The following FSTL4 variants were observed in gnomAD, a reference collection of about 807,000 sequenced individuals.
FSTL4 encodes the protein follistatin like 4.
FSTL4 carries 28 observed loss-of-function variants against 78.2 expected under a neutral mutation model. The ratio of observed to expected loss-of-function variants is 0.36; its 90% CI spans 0.27 to 0.49. FSTL4 has a LOEUF of 0.49. Ranked by LOEUF, FSTL4 falls within the 20% of genes least tolerant of loss-of-function variation. The probability of loss-of-function intolerance (pLI) is 0.98; values close to 1 mark genes in which losing one functional copy is unlikely to be tolerated. For missense variants in FSTL4, 922 were observed against 1,084.9 expected (o/e 0.85, Z 2.11); for synonymous variants, 422 against 440.5 (o/e 0.96, Z 0.53).
the FSTL4 span, among the ~76,000 whole-genome samples, chr5:133,637,829 C>A: frequency 6.6e-5 from 10 of 152,060 alleles, no homozygotes; most frequent in East Asian, 1.7e-3. Context: ...ATCCCATCAC[C>A]TGAGCACTTC....
chr5:133,788,150 A>C, the FSTL4 span, among the ~76,000 whole-genome samples: 1 of 152,156 alleles, frequency 6.6e-6, no homozygotes, highest in Non-Finnish European at 1.5e-5. Flanking sequence ...GGTGTGGAGC[A>C]GAGGTAAGAA....
chr5:133,510,870 C>A (rs536146320), intron 3 of FSTL4, among the ~76,000 whole-genome samples: 1 of 152,276 alleles, frequency 6.6e-6, no homozygotes, highest in East Asian at 1.9e-4. Flanking sequence ...GTTCTCTCCT[C>A]TGACGTCAAA....
intron 4 of FSTL4, among the ~76,000 whole-genome samples, chr5:133,373,240 T>C (rs761801852): frequency 1.3e-5 from 2 of 152,192 alleles, no homozygotes; most frequent in Admixed American, 6.5e-5. Flanking sequence ...CCTGCGGCTA[T>C]TACGAAGAGC....
intron 6 of FSTL4, among the ~76,000 whole-genome samples, chr5:133,270,851 G>T (rs1215105383): frequency 6.6e-6 from 1 of 152,162 alleles, no homozygotes; most frequent in Non-Finnish European, 1.5e-5. Context: ...TGGGTCTAGG[G>T]TTGCATAGTC....
intron 11 of FSTL4, among the ~76,000 whole-genome samples, chr5:133,222,363 G>A (rs1453899587): frequency 6.6e-6 from 1 of 152,106 alleles, no homozygotes; most frequent in Non-Finnish European, 1.5e-5. Context: ...GCATCTCAGT[G>A]TTTGGAGCCA....
At chr5:133,539,406 G>A (rs957575637) in intron 3 of FSTL4, among the ~76,000 whole-genome samples, 1 of 152,222 alleles carries the variant, frequency 6.6e-6, no homozygotes, top group South Asian at 2.1e-4. Context: ...GACTTCTCAT[G>A]TGAGGTTCCT....
the FSTL4 span, among the ~76,000 whole-genome samples, chr5:133,656,577 C>T: frequency 6.6e-6 from 1 of 152,044 alleles, no homozygotes; most frequent in Non-Finnish European, 1.5e-5. Context: ...GTGGAAGGGA[C>T]ATCACACGTC....
At position 133,197,765 on chromosome 5, in the gene FSTL4, G is replaced by A. The variant is rs1235161186; in HGVS notation, c.*1330C>T. The A allele has an allele frequency of 6.6e-6, 1 of 152,212 alleles. No individual in the cohort carries two copies. Among genetic ancestry groups the A allele is most frequent in the East Asian group, 1.9e-4 (1 of 5,198 alleles). 9.4% of individuals were successfully genotyped at this position (152,212 alleles called of 1,614,324 possible). A position where few individuals can be genotyped will look rare whatever the true frequency, so the allele number is the denominator to read the frequency against. ...CACATGTAAGTTCCACTCATATGTGGGAGAGGGAAGGCGAGCCTGTTTTTG... is the reference window on the plus strand; with the variant it reads ...CACATGTAAGTTCCACTCATATGTGAGAGAGGGAAGGCGAGCCTGTTTTTG... On this transcript the variant is annotated 3_prime_UTR_variant, in exon 16 of 16. Transcript: ENST00000265342.
chr5:133,617,224 G>T (rs1041541188), upstream of FSTL4, among the ~76,000 whole-genome samples: 1 of 150,580 alleles, frequency 6.6e-6, no homozygotes, highest in Middle Eastern at 3.4e-3. Flanking sequence ...ACTTGAACCC[G>T]GGAGGCAGAG....
chr5:133,222,777 C>T (rs933656704), intron 11 of FSTL4, among the ~76,000 whole-genome samples: 4 of 152,134 alleles, frequency 2.6e-5, no homozygotes, highest in Non-Finnish European at 4.4e-5. Flanking sequence ...CTAAGAGGGC[C>T]CGAAGGAGCT....
intron 4 of FSTL4, among the ~76,000 whole-genome samples, chr5:133,336,575 C>G (rs538461258): frequency 6.6e-6 from 1 of 152,160 alleles, no homozygotes; most frequent in Non-Finnish European, 1.5e-5. Context: ...ATTCCCTGCC[C>G]CCATTGACCC....
chr5:133,779,866 G>T, the FSTL4 span, among the ~76,000 whole-genome samples: 5 of 152,304 alleles, frequency 3.3e-5, no homozygotes, highest in African/African-American at 1.2e-4. Context: ...GAGAGGAGGG[G>T]TTCATGTGTA....
At chr5:133,685,810 T>C in the FSTL4 span, among the ~76,000 whole-genome samples, 2 of 152,262 alleles carry the variant, frequency 1.3e-5, no homozygotes, top group Admixed American at 6.5e-5. Flanking sequence ...TCAGTCCCAA[T>C]GCCTCCACTG....
At chr5:133,755,012 C>T in the FSTL4 span, among the ~76,000 whole-genome samples, 1 of 152,128 alleles carries the variant, frequency 6.6e-6, no homozygotes, top group Non-Finnish European at 1.5e-5. Context: ...GCTCCTCCTC[C>T]TCATTGCCTC....
the FSTL4 span, among the ~76,000 whole-genome samples, chr5:133,798,127 C>CA: frequency 6.6e-6 from 1 of 152,208 alleles, no homozygotes; most frequent in African/African-American, 2.4e-5. Flanking sequence ...CATCTGTGAG[C>CA]ACGGGCCCAT....
chr5:133,765,227 G>T, the FSTL4 span, among the ~76,000 whole-genome samples: 4 of 152,232 alleles, frequency 2.6e-5, no homozygotes, highest in African/African-American at 4.8e-5. Flanking sequence ...AGTGGGGAGA[G>T]GGGGAGGTTA....
chr5:133,692,117 A>G, the FSTL4 span, among the ~76,000 whole-genome samples: 1 of 152,148 alleles, frequency 6.6e-6, no homozygotes, highest in Admixed American at 6.5e-5. Flanking sequence ...TGCCCTGAAG[A>G]GGTGTTTTAA....
At chr5:133,316,237 C>T (rs1753898820) in intron 5 of FSTL4, among the ~76,000 whole-genome samples, 1 of 152,194 alleles carries the variant, frequency 6.6e-6, no homozygotes, top group Non-Finnish European at 1.5e-5. Context: ...CATCAGAGAC[C>T]AGGCCCTCTG....
chr5:133,540,916 T>C (rs538170600), intron 3 of FSTL4, among the ~76,000 whole-genome samples: 2 of 152,212 alleles, frequency 1.3e-5, no homozygotes, highest in Admixed American at 1.3e-4. Flanking sequence ...TCCATCCAAC[T>C]TCTTGGAACA....
Sources: gnomAD v4.1 joint callset for allele counts (sites outside exome capture counted in the v4.1 genomes callset) on GRCh38, gnomAD v4.1.1 for gene constraint, MANE v1.5 for transcripts, NCBI Gene and HGNC (gene_info 2026-07-23, HGNC 2026-07-21) for gene names.